AHNAK2: variants seen among roughly 807,000 people sequenced by gnomAD.
AHNAK2 encodes the protein AHNAK nucleoprotein 2.
A neutral mutation model predicts 30.7 loss-of-function variants in AHNAK2; 18 were observed. The observed-to-expected ratio is 0.59, with a 90% CI of 0.41 to 0.87. The LOEUF (loss-of-function observed/expected upper bound fraction) is 0.87. Ranked by LOEUF, AHNAK2 falls within the 40% of genes least tolerant of loss-of-function variation. The pLI, the probability that AHNAK2 is intolerant of heterozygous loss-of-function variation, is 0.00. For missense variants in AHNAK2, 8,604 were observed against 7,373.0 expected, an observed-to-expected ratio of 1.17 and a Z score of -6.11; for synonymous variants, 3,590 against 3,073.8, an observed-to-expected ratio of 1.17 and a Z score of -5.56.
chr14:104,945,147 G>T lies in AHNAK2; in HGVS notation c.10304C>A (p.Ser3435Tyr), dbSNP rs1174836578. The change falls in exon 7 of 7, where the codon TCT (serine) becomes TAT (tyrosine). Residue 3435 changes from serine (S) to tyrosine (Y), a missense_variant. Physicochemically the swap from Ser to Tyr is moderately radical, Grantham distance 144 (BLOSUM62 -2). Transcript: ENST00000333244. ...AEVTVPDVEV[S>Y]LPSVEVDVQA... Reference sequence around the variant, plus strand: ...GACGTCCACCTCCACGCTGGGCAGAGACACCTCCACATCAGGGACTGTCAC... The same window carrying T: ...GACGTCCACCTCCACGCTGGGCAGATACACCTCCACATCAGGGACTGTCAC... The T allele has an allele frequency of 4.3e-6, 7 of 1,613,106 alleles. No homozygotes were observed. Among genetic ancestry groups the T allele is most frequent in the Non-Finnish European group, 5.9e-6 (7 of 1,179,750 alleles).
In AHNAK2 at chr14:104,950,527, C is replaced by G. The variant is rs370850761; in HGVS notation, c.4924G>C (p.Gly1642Arg). The G allele has an allele frequency of 6.3e-7, 1 of 1,587,322 alleles. No homozygotes were observed. The highest frequency in any genetic ancestry group is 1.4e-5 in the African/African-American group (1 of 73,068). The change falls in exon 7 of 7, where the codon GGG (glycine) becomes CGG (arginine). Residue 1642 changes from glycine to arginine, a missense_variant. Transcript: ENST00000333244. ...RAKLDGAQLE[G>R]DLSLADKAVT... ...GCCTTGTCGGCCAGGGACAGGTCCC[C>G]CTCCAGCTGCGCACCATCCAGCTTT...
rs367869692 is a variant in AHNAK2 at position 104,947,617 on chromosome 14, A to G, written c.7834T>C (p.Ser2612Pro). The G allele has an allele frequency of 5.2e-5, 83 of 1,610,698 alleles. No individual in the cohort carries two copies. The African/African-American group carries it at 7.6e-4, about 15-fold the overall frequency. The change falls in exon 7 of 7, where the codon TCC becomes CCC. Residue 2612 changes from serine to proline, a missense_variant. Ser to Pro is a moderately conservative substitution (Grantham distance 74, BLOSUM62 -1). Transcript: ENST00000333244. ...VTAPDVEMSL[S>P]SMEVDVQAPR... ...GCCTGGACGTCCACCTCCATGCTGGACAGAGACATCTCCACATCGGGGGCT... is the reference window on the plus strand; with the variant it reads ...GCCTGGACGTCCACCTCCATGCTGGGCAGAGACATCTCCACATCGGGGGCT...
Position 104,949,364 on chromosome 14 carries a change from C to T in AHNAK2, c.6087G>A (p.Gly2029=). 4 of 1,575,992 alleles carry T rather than the reference C, an allele frequency of 2.5e-6. No individual in the cohort carries two copies. Among genetic ancestry groups the T allele is most frequent in the South Asian group, 2.2e-5 (2 of 89,330 alleles). Reference sequence around the variant, plus strand: ...TGCTGAGGTCAGTGGTCTTCAGGTCCCCCTGCATGGAGGGGAGACTCACGT... The same window carrying T: ...TGCTGAGGTCAGTGGTCTTCAGGTCTCCCTGCATGGAGGGGAGACTCACGT... ...EADVSLPSMQ[G]DLKTTDLSIQ... The change falls in exon 7 of 7, where the codon GGG becomes GGA. Residue 2029 remains glycine, a synonymous_variant. Transcript: ENST00000333244.
Position 104,946,383 on chromosome 14 carries a change from G to A in AHNAK2, c.9068C>T (p.Thr3023Ile). The A allele has an allele frequency of 6.2e-7, 1 of 1,607,120 alleles. No individual in the cohort carries two copies. Among genetic ancestry groups the A allele is most frequent in the Non-Finnish European group, 8.5e-7 (1 of 1,178,614 alleles). Residue 3023 changes from threonine (T) to isoleucine (I), a missense_variant, in exon 7 of 7, where the codon ACC becomes ATC. Physicochemically the swap from Thr to Ile is moderately conservative, Grantham distance 89. Transcript: ENST00000333244. ...GGGGGGCTCAATGCTGATGTCAGTG[G>A]TCTTCAGGTCCCCCTGCATGGAGGG... ...SLPSMQGDLKTTDISIEPPSA... is the reference protein window; with the variant it reads ...SLPSMQGDLKITDISIEPPSA...
Position 104,978,252 on chromosome 14 carries a change from G to A in AHNAK2, c.-15C>T. Reference sequence around the variant, plus strand: ...CAGTCGCACATCGCGGCGGCCAGGCGGTGCGGGCCTGGCGGCCCGTCGCGT... The same window carrying A: ...CAGTCGCACATCGCGGCGGCCAGGCAGTGCGGGCCTGGCGGCCCGTCGCGT... On this transcript the variant is annotated 5_prime_UTR_variant, in exon 1 of 7. Transcript: ENST00000333244. 1 of 1,197,430 alleles carries A rather than the reference G, an allele frequency of 8.4e-7. No individual in the cohort carries two copies. Among genetic ancestry groups the A allele is most frequent in the South Asian group, 4.1e-5 (1 of 24,566 alleles). The allele number at this position is 1,197,430 out of a possible 1,614,324, so 74.2% of individuals were successfully genotyped here. A position where few individuals can be genotyped will look rare whatever the true frequency, so the allele number is the denominator to read the frequency against.
intron 3 of AHNAK2, 25 bp downstream of exon 3, chr14:104,957,385 G>A: frequency 6.4e-7 from 1 of 1,555,612 alleles, no homozygotes; most frequent in Non-Finnish European, 8.7e-7. Context: ...CTGGGTGCCT[G>A]TGGGGCTCTG....
chr14:104,948,092 G>A lies in AHNAK2; in HGVS notation c.7359C>T (p.Val2453=), dbSNP rs373388816. The part of the protein sequence containing the change: ...EVSQPSVEVD[V]EAPGAKLDGA... ...CATCCAGCTTGGCTCCCGGGGCCTC[G>A]ACATCCACCTCCACGCTGGGCTGAG... The change falls in exon 7 of 7, where the codon GTC becomes GTT. Residue 2453 remains valine (V), a synonymous_variant. Transcript: ENST00000333244. 6.3e-5 allele frequency: 101 copies of A among 1,612,786 alleles called. No individual in the cohort carries two copies. The highest frequency in any genetic ancestry group is 7.3e-5 in the Non-Finnish European group (86 of 1,179,696).
rs1898294964 is a variant in AHNAK2 at position 104,946,738 on chromosome 14, T to C, written c.8713A>G (p.Lys2905Glu). Residue 2905 changes from lysine to glutamate, a missense_variant, in exon 7 of 7, where the codon AAG becomes GAG. Lys to Glu is a moderately conservative substitution (Grantham distance 56). Coordinates refer to ENST00000333244, the MANE Select transcript of AHNAK2 (RefSeq NM_138420.4). Reference protein sequence around the residue: ...HLPKVQMPSFKMPKVDLKGPQ... With the variant: ...HLPKVQMPSFEMPKVDLKGPQ... ...CCCTTGAGATCCACTTTGGGCATCT[T>C]GAAACTGGGCATCTGCACCTTGGGC... 3 of 1,612,348 alleles carry C rather than the reference T, an allele frequency of 1.9e-6. No individual in the cohort carries two copies. Among genetic ancestry groups the C allele is most frequent in the Non-Finnish European group, 2.5e-6 (3 of 1,179,476 alleles).
chr14:104,941,709 T>A lies in AHNAK2; in HGVS notation c.13742A>T (p.Glu4581Val). 1 of 1,613,750 alleles carries A rather than the reference T, an allele frequency of 6.2e-7. No individual in the cohort carries two copies. The highest frequency in any genetic ancestry group is 8.5e-7 in the Non-Finnish European group (1 of 1,179,862). The change falls in exon 7 of 7, where the codon GAG (glutamate) becomes GTG (valine). Residue 4581 changes from glutamate (E) to valine (V), a missense_variant. By Grantham distance (121) the Glu-to-Val change is moderately radical (BLOSUM62 -2). Coordinates refer to ENST00000333244, the MANE Select transcript of AHNAK2 (RefSeq NM_138420.4). ...PKLDLKGPKA[E>V]VMAPDVEVSL... ...CACCTCCACATCGGGGGCCATCACC[T>A]CTGCCTTTGGGCCTTTCAGGTCCAG...
At chr14:104,971,643 C>A (rs539935634) in intron 1 of AHNAK2, among the ~76,000 whole-genome samples, 56 of 152,308 alleles carry the variant, frequency 3.7e-4, no homozygotes, top group African/African-American at 1.3e-3. Flanking sequence ...CCAAGTCCCC[C>A]ACTATCCAGA....
rs1281321307 is a variant in AHNAK2 at position 104,939,995 on chromosome 14, G to A, written c.15456C>T (p.Ala5152=). Residue 5152 remains alanine (A), a synonymous_variant, in exon 7 of 7, where the codon GCC becomes GCT. Transcript: ENST00000333244. The part of the protein sequence containing the change: ...PVSQPCGEGI[A]PTPEDPLQPS... ...GCTGGAGGGGATCTTCAGGTGTGGG[G>A]GCTATCCCCTCCCCACAAGGCTGGC... 1 of 1,612,238 alleles carries A rather than the reference G, an allele frequency of 6.2e-7. No homozygotes were observed. The highest frequency in any genetic ancestry group is 1.3e-5 in the African/African-American group (1 of 74,922).
At position 104,966,215 on chromosome 14, in the gene AHNAK2, G is replaced by A. The variant is rs557589757; in HGVS notation, c.56-8543C>T. Among the ~76,000 whole-genome samples the A allele has an allele frequency of 8.5e-5, 13 of 152,102 alleles. No individual in the cohort carries two copies. The highest frequency in any genetic ancestry group is 3.4e-3 in the Middle Eastern group (1 of 294). On this transcript the variant is annotated intron_variant, in intron 1 of 6. Coordinates refer to ENST00000333244, the MANE Select transcript of AHNAK2 (RefSeq NM_138420.4). The surrounding 1 kb of genome is among the most constrained non-coding windows in gnomAD (Gnocchi z 4.3). ...AGGAGGCATCAACACTCACCCCCACGTCATCCCGGCCCCGCCACCTTCCTA... is the reference window on the plus strand; with the variant it reads ...AGGAGGCATCAACACTCACCCCCACATCATCCCGGCCCCGCCACCTTCCTA...
rs1267090434 is a variant in AHNAK2, at chr14:104,945,210, TTGA to T, written c.10238_10240del (p.Ile3413del). 6 of 1,613,024 alleles carry T rather than the reference TTGA, an allele frequency of 3.7e-6. No homozygotes were observed. The highest frequency in any genetic ancestry group is 3.3e-5 in the Admixed American group (2 of 59,922). ...GACTTTTAGGTCCAGCTTGGGGCCC[TTGA>T]TGTCCACCTGGGGGCTCTTGAGGTC... is the stretch of plus-strand genomic sequence containing the variant. On this transcript the variant is annotated inframe_deletion, in exon 7 of 7. Transcript: ENST00000333244.
At chr14:104,962,431 T>G (rs1267907861) in intron 1 of AHNAK2, among the ~76,000 whole-genome samples, 1 of 152,114 alleles carries the variant, frequency 6.6e-6, no homozygotes, top group Admixed American at 6.5e-5. Context: ...TGTTGGTTGG[T>G]TGGTTTTGTT....
intron 1 of AHNAK2, among the ~76,000 whole-genome samples, chr14:104,958,110 T>C (rs1231239322): frequency 1.3e-5 from 2 of 152,238 alleles, no homozygotes; most frequent in Non-Finnish European, 1.5e-5. Context: ...TGTCTCTAAA[T>C]GTCTACTAAT....
At position 104,940,063 on chromosome 14, in the gene AHNAK2, C is replaced by T. The variant is rs776069775; in HGVS notation, c.15388G>A (p.Glu5130Lys). The T allele has an allele frequency of 8.7e-6, 14 of 1,611,546 alleles. No individual in the cohort carries two copies. In the Admixed American group the frequency reaches 1.0e-4, roughly 12 times the overall value. Residue 5130 changes from glutamate (E) to lysine (K), a missense_variant, in exon 7 of 7, where the codon GAA becomes AAA. Glu to Lys is a moderately conservative substitution (Grantham distance 56). Coordinates refer to ENST00000333244, the MANE Select transcript of AHNAK2 (RefSeq NM_138420.4). This position sits in a 1 kb window ranked among gnomAD's most constrained non-coding sequence, Gnocchi z 4.4. ...LPLPKHDLST[E>K]GDSRGCGLGD... is the part of the protein sequence containing the mutation. ...AGCCCACATCCTCTGCTGTCACCTT[C>T]GGTAGACAGATCATGTTTGGGAAGA...
Position 104,944,335 on chromosome 14 carries a change from G to C in AHNAK2, c.11116C>G (p.Leu3706Val). ...KVQAGQMDVK[L>V]PEGQVPEGAG... ...CCCTCGGGCACCTGGCCCTCCGGGA[G>C]CTTCACATCCATCTGGCCAGCCTGG... Residue 3706 changes from leucine (L) to valine (V), a missense_variant, in exon 7 of 7, where the codon CTC (leucine) becomes GTC (valine). Physicochemically the swap from Leu to Val is conservative, Grantham distance 32. Coordinates refer to ENST00000333244, the MANE Select transcript of AHNAK2 (RefSeq NM_138420.4). 1 of 1,612,878 alleles carries C rather than the reference G, an allele frequency of 6.2e-7. No homozygotes were observed. The highest frequency in any genetic ancestry group is 8.5e-7 in the Non-Finnish European group (1 of 1,179,562).
At position 104,940,083 on chromosome 14, in the gene AHNAK2, G is replaced by A. The variant is rs1897933378; in HGVS notation, c.15368C>T (p.Pro5123Leu). 1 of 1,613,248 alleles carries A rather than the reference G, an allele frequency of 6.2e-7. No individual in the cohort carries two copies. The highest frequency in any genetic ancestry group is 8.5e-7 in the Non-Finnish European group (1 of 1,179,890). ...ACCTTCGGTAGACAGATCATGTTTG[G>A]GAAGAGGCAGGTCAGCTTCAGGCTG... ...VSQPEADLPL[P>L]KHDLSTEGDS... The change falls in exon 7 of 7, where the codon CCC becomes CTC. Residue 5123 changes from proline to leucine, a missense_variant. By Grantham distance (98) the Pro-to-Leu change is moderately conservative. Coordinates refer to ENST00000333244, the MANE Select transcript of AHNAK2 (RefSeq NM_138420.4). The surrounding 1 kb of genome is among the most constrained non-coding windows in gnomAD (Gnocchi z 4.4).
Position 104,953,941 on chromosome 14 carries a change from T to C in AHNAK2, c.1510A>G (p.Arg504Gly), listed in dbSNP as rs749262306. The change falls in exon 7 of 7, where the codon AGA (arginine) becomes GGA (glycine). Residue 504 changes from arginine to glycine, a missense_variant. Transcript: ENST00000333244. ...TGTGGGGTACTAAGGCGCCTTTCTC[T>C]TTCTGGCTCTTTTTCTGTGGAAAAT... Reference protein sequence around the residue: ...FAFSTEKEPERERRLSTPQRG... With the variant: ...FAFSTEKEPEGERRLSTPQRG... The C allele has an allele frequency of 3.1e-6, 5 of 1,614,004 alleles. No homozygotes were observed. The East Asian group carries it at 8.9e-5, about 29-fold the overall frequency.
Sources: gnomAD v4.1 joint callset for allele counts (sites outside exome capture counted in the v4.1 genomes callset) on GRCh38, gnomAD v4.1.1 for gene constraint, Gnocchi (gnomAD v3.1) non-coding constraint, MANE v1.5 for transcripts, NCBI Gene and HGNC (gene_info 2026-07-23, HGNC 2026-07-21) for gene names.